TENM3: variants seen among roughly 807,000 people sequenced by gnomAD.
The protein encoded by TENM3 is teneurin transmembrane protein 3.
Under a neutral mutation model 255.1 loss-of-function variants are expected in TENM3, and 63 were observed. The ratio of observed to expected loss-of-function variants is 0.25; its 90% CI spans 0.20 to 0.30. TENM3 has a LOEUF of 0.30. TENM3 is among the 10% of genes least tolerant of loss of function. The pLI is 1.00. For missense variants in TENM3, 2,929 were observed against 3,461.1 expected, an observed-to-expected ratio of 0.85 and a Z score of 3.86; for synonymous variants, 1,306 against 1,322.3, an observed-to-expected ratio of 0.99 and a Z score of 0.27.
In TENM3 at chr4:182,762,783, T is replaced by G. The variant is rs1399348949; in HGVS notation, c.4892+7524T>G. Among the ~76,000 whole-genome samples the G allele has an allele frequency of 2.1e-5, 3 of 145,742 alleles. No individual in the cohort carries two copies. In the East Asian group the frequency reaches 8.3e-4, roughly 40 times the overall value. Reference sequence around the variant, plus strand: ...GCTCTCTCTGGGTTGGGGAAGGCAGTCTATGAAGGAGATAGATAGGATGGT... The same window carrying G: ...GCTCTCTCTGGGTTGGGGAAGGCAGGCTATGAAGGAGATAGATAGGATGGT... On this transcript the variant is annotated intron_variant, in intron 22 of 27. Coordinates refer to ENST00000511685, the MANE Select transcript of TENM3 (RefSeq NM_001080477.4).
At chr4:182,515,289 GA>G (rs1422067565) in intron 3 of TENM3, among the ~76,000 whole-genome samples, 2 of 152,132 alleles carry the variant, frequency 1.3e-5, no homozygotes, top group Admixed American at 1.3e-4. Flanking sequence ...AAATCCAAGT[GA>G]AAACTTTGGA....
intron 1 of TENM3, among the ~76,000 whole-genome samples, chr4:182,310,856 G>C (rs1762401491): frequency 1.3e-5 from 2 of 152,088 alleles, no homozygotes; most frequent in African/African-American, 4.8e-5. Context: ...ACAGGCGTGT[G>C]TCACCAGGCC....
the TENM3 span, among the ~76,000 whole-genome samples, chr4:181,946,977 C>A: frequency 6.6e-6 from 1 of 152,186 alleles, no homozygotes; most frequent in African/African-American, 2.4e-5. Context: ...GAGTTCAAAT[C>A]CCATGTAAAT....
intron 3 of TENM3, among the ~76,000 whole-genome samples, chr4:182,447,202 C>A (rs1396438746): frequency 6.6e-6 from 1 of 151,444 alleles, no homozygotes; most frequent in Non-Finnish European, 1.5e-5. Flanking sequence ...GAGGAATAGA[C>A]AGGCTGGTTG....
At chr4:182,141,939 G>A (rs1749463591), upstream of TENM3, 1 of 152,198 alleles carries the variant, frequency 6.6e-6, no homozygotes. Flanking sequence ...TAGACAGTAA[G>A]AGGGAGTCTC....
chr4:181,609,307 G>T, the TENM3 span, among the ~76,000 whole-genome samples: 1 of 152,126 alleles, frequency 6.6e-6, no homozygotes, highest in Non-Finnish European at 1.5e-5. Context: ...GCTTATTGCT[G>T]GAAGGGAAAT....
chr4:182,278,315 C>T (rs1020485485), intron 1 of TENM3, among the ~76,000 whole-genome samples: 2 of 151,602 alleles, frequency 1.3e-5, no homozygotes, highest in African/African-American at 4.9e-5. Context: ...TGCGGTGAGC[C>T]GAGGTCTAGT....
Position 182,216,514 on chromosome 4 carries a change from C to A in TENM3, c.-76+71760C>A, listed in dbSNP as rs529875761. 3.9e-5 allele frequency among the ~76,000 whole-genome samples: 6 copies of A among 152,318 alleles called. No homozygotes were observed. The South Asian group carries it at 8.3e-4, about 21-fold the overall frequency. On this transcript the variant is annotated intron_variant, in intron 1 of 2. Coordinates refer to the TENM3 transcript ENST00000512480. ...TATCAGTTATAATCTGGTGCAATAT[C>A]ATTTACCTGTCAGTTTCGTTACTCC...
chr4:182,652,788 T>C (rs1343145324), intron 5 of TENM3, among the ~76,000 whole-genome samples: 1 of 151,630 alleles, frequency 6.6e-6, no homozygotes, highest in South Asian at 2.1e-4. Flanking sequence ...TCTAAAAATA[T>C]CAAAAAAAAG....
the TENM3 span, among the ~76,000 whole-genome samples, chr4:181,610,279 G>A: frequency 1.3e-5 from 2 of 152,126 alleles, no homozygotes; most frequent in Non-Finnish European, 2.9e-5. Flanking sequence ...GTGTCATTAG[G>A]TTCCTAGAAA....
the TENM3 span, among the ~76,000 whole-genome samples, chr4:182,047,223 C>G: frequency 6.6e-6 from 1 of 152,172 alleles, no homozygotes; most frequent in East Asian, 1.9e-4. Flanking sequence ...CTGACACTGG[C>G]AGGAAACATG....
chr4:182,488,556 A>G (rs1734974023), intron 3 of TENM3, among the ~76,000 whole-genome samples: 3 of 152,160 alleles, frequency 2.0e-5, no homozygotes, highest in Non-Finnish European at 4.4e-5. Flanking sequence ...TTTTACTTAT[A>G]TCTTGTATAG....
the TENM3 span, among the ~76,000 whole-genome samples, chr4:181,886,651 TA>T: frequency 6.6e-6 from 1 of 152,146 alleles, no homozygotes; most frequent in East Asian, 1.9e-4. Flanking sequence ...AGCTGTACAT[TA>T]CCATCATTAA....
chr4:182,756,970 A>G (rs1271290625), intron 22 of TENM3, among the ~76,000 whole-genome samples: 1 of 152,160 alleles, frequency 6.6e-6, no homozygotes, highest in Non-Finnish European at 1.5e-5. Context: ...GAGCACAAGA[A>G]AAGTGCTGCC....
intron 1 of TENM3, among the ~76,000 whole-genome samples, chr4:182,260,977 T>C (rs184238715): frequency 8.1e-4 from 123 of 152,176 alleles, no homozygotes; most frequent in African/African-American, 2.7e-3. Flanking sequence ...CCGGGTTCAG[T>C]TGATTCTCCT....
chr4:182,149,943 T>C (rs553911209), intron 1 of TENM3, among the ~76,000 whole-genome samples: 2 of 152,232 alleles, frequency 1.3e-5, no homozygotes, highest in East Asian at 1.9e-4. Context: ...ATAGTGCCTG[T>C]ATTCACACTT....
At chr4:182,698,404 C>T (rs1757594014) in intron 12 of TENM3, among the ~76,000 whole-genome samples, 1 of 152,238 alleles carries the variant, frequency 6.6e-6, no homozygotes, top group Middle Eastern at 3.4e-3. Context: ...TTCACCTTCC[C>T]GTGTGAGTCA....
intron 1 of TENM3, among the ~76,000 whole-genome samples, chr4:182,180,556 G>A (rs368394838): frequency 6.6e-6 from 1 of 151,750 alleles, no homozygotes; most frequent in Admixed American, 6.6e-5. Context: ...CATTCTATAT[G>A]AGTAAATGGC....
the TENM3 span, among the ~76,000 whole-genome samples, chr4:182,006,922 G>C: frequency 2.0e-5 from 3 of 152,064 alleles, no homozygotes; most frequent in African/African-American, 7.2e-5. Context: ...ATTCTAGTAC[G>C]TTGTCTCTTT....
Sources: gnomAD v4.1 joint callset for allele counts (sites outside exome capture counted in the v4.1 genomes callset) on GRCh38, gnomAD v4.1.1 for gene constraint, MANE v1.5 for transcripts, NCBI Gene and HGNC (gene_info 2026-07-23, HGNC 2026-07-21) for gene names.